MOB3B: variants seen among roughly 807,000 people sequenced by gnomAD.
The protein encoded by MOB3B is MOB kinase activator 3B.
In MOB3B, 7 loss-of-function variants were observed where a neutral mutation model predicts 18.7. The ratio of observed to expected loss-of-function variants is 0.37; its 90% confidence interval spans 0.21 to 0.70. The LOEUF is 0.70. Among genes scored for constraint, MOB3B ranks in the 30% least tolerant of loss-of-function variants. The pLI is 0.52. For missense variants in MOB3B, 253 were observed against 281.3 expected, an observed-to-expected ratio of 0.90 and a Z score of 0.72; for synonymous variants, 111 against 99.9, an observed-to-expected ratio of 1.11 and a Z score of -0.66.
At position 27,409,404 on chromosome 9, in the gene MOB3B, T is replaced by C. The variant is rs114943555; in HGVS notation, c.418+45729A>G. 3.4e-3 allele frequency among the ~76,000 whole-genome samples: 513 copies of C among 152,304 alleles called. 8 individuals are homozygous for C. Among genetic ancestry groups the C allele is most frequent in the African/African-American group, 0.012 (490 of 41,562 alleles). ...GAGATACCATTTCATACCATTAGAA[T>C]GGTTACTATCAAGAAGATAAAAAAA... On this transcript the variant is annotated intron_variant, in intron 2 of 3. Coordinates refer to ENST00000262244, the MANE Select transcript of MOB3B (RefSeq NM_024761.5).
chr9:27,456,385 G>C (rs1180167755), intron 1 of MOB3B, among the ~76,000 whole-genome samples: 1 of 152,138 alleles, frequency 6.6e-6, no homozygotes, highest in Non-Finnish European at 1.5e-5. Context: ...GGTGGAGAAG[G>C]TGGCTGCCAA....
chr9:27,409,056 T>C (rs1822026583), intron 2 of MOB3B, among the ~76,000 whole-genome samples: 1 of 152,210 alleles, frequency 6.6e-6, no homozygotes, highest in Non-Finnish European at 1.5e-5. Flanking sequence ...CACACAACCT[T>C]GGCAGCTGGC....
At chr9:27,473,653 G>T (rs1233228268) in intron 1 of MOB3B, among the ~76,000 whole-genome samples, 1 of 152,122 alleles carries the variant, frequency 6.6e-6, no homozygotes, top group Non-Finnish European at 1.5e-5. Context: ...GGGGATGTTG[G>T]TGATGGACCC....
intron 2 of MOB3B, among the ~76,000 whole-genome samples, chr9:27,420,336 C>T (rs931122272): frequency 1.1e-4 from 17 of 151,566 alleles, no homozygotes; most frequent in East Asian, 3.9e-4. Context: ...AGTCATTATT[C>T]GAAAAAGATA....
chr9:27,454,762 T>C (rs1351600562), intron 2 of MOB3B, among the ~76,000 whole-genome samples: 1 of 152,212 alleles, frequency 6.6e-6, no homozygotes, highest in Non-Finnish European at 1.5e-5. Flanking sequence ...TCCTCAGATA[T>C]AAATACCAGT....
intron 2 of MOB3B, among the ~76,000 whole-genome samples, chr9:27,424,470 C>T (rs934630617): frequency 6.6e-6 from 1 of 152,188 alleles, no homozygotes; most frequent in South Asian, 2.1e-4. Context: ...TTTCCTTCTC[C>T]CATTTACTTC....
chr9:27,373,106 C>T (rs1821445444), intron 2 of MOB3B, among the ~76,000 whole-genome samples: 1 of 152,216 alleles, frequency 6.6e-6, no homozygotes, highest in Non-Finnish European at 1.5e-5. Context: ...GATTTACGCA[C>T]TAACATTTCT....
intron 2 of MOB3B, among the ~76,000 whole-genome samples, chr9:27,399,927 T>G (rs1821853380): frequency 6.6e-6 from 1 of 152,130 alleles, no homozygotes; most frequent in Non-Finnish European, 1.5e-5. Flanking sequence ...TCTTTTTCAT[T>G]CTCTCCACAT....
At chr9:27,352,993 C>T (rs1434809906) in intron 3 of MOB3B, among the ~76,000 whole-genome samples, 2 of 152,208 alleles carry the variant, frequency 1.3e-5, no homozygotes, top group African/African-American at 4.8e-5. Context: ...GACCATCACT[C>T]AGGACTGGCA....
chr9:27,413,466 C>T lies in MOB3B; in HGVS notation c.418+41667G>A, dbSNP rs190231393. ...AGTTCTTTAAAGGGATAGCAGGAGA[C>T]AAAGAATAAAGTTGCATTTTGGTTG... On this transcript the variant is annotated intron_variant, in intron 2 of 3. Transcript: ENST00000262244. Among the ~76,000 whole-genome samples, 9 of 152,194 alleles carry T rather than the reference C, an allele frequency of 5.9e-5. No homozygotes were observed. The East Asian group carries it at 1.7e-3, about 29-fold the overall frequency.
At chr9:27,403,086 C>T (rs1821910202) in intron 2 of MOB3B, among the ~76,000 whole-genome samples, 1 of 152,136 alleles carries the variant, frequency 6.6e-6, no homozygotes, top group South Asian at 2.1e-4. Context: ...AGTTTGGTAT[C>T]TGGCTCTGAT....
intron 1 of MOB3B, among the ~76,000 whole-genome samples, chr9:27,496,762 A>T (rs905834242): frequency 6.6e-6 from 1 of 152,222 alleles, no homozygotes; most frequent in Non-Finnish European, 1.5e-5. Flanking sequence ...GCTTCTGAAG[A>T]ACTTTAAAAT....
chr9:27,528,291 T>C (rs1443889013), intron 1 of MOB3B, among the ~76,000 whole-genome samples: 2 of 152,142 alleles, frequency 1.3e-5, no homozygotes, highest in Admixed American at 6.5e-5. Context: ...CCCCTCCCAC[T>C]GCCCTAGCAG....
chr9:27,348,212 G>C (rs1250293811), intron 3 of MOB3B, among the ~76,000 whole-genome samples: 1 of 152,152 alleles, frequency 6.6e-6, no homozygotes, highest in Admixed American at 6.5e-5. Context: ...TAGCAGACTT[G>C]TGCTGTAGGA....
intron 2 of MOB3B, among the ~76,000 whole-genome samples, chr9:27,450,012 G>A (rs565568978): frequency 2.6e-4 from 39 of 149,704 alleles, no homozygotes; most frequent in Non-Finnish European, 4.3e-4. Context: ...AACTTAAAAT[G>A]TAAAGGCCAA....
intron 1 of MOB3B, among the ~76,000 whole-genome samples, chr9:27,518,636 C>G (rs57971925): frequency 6.6e-6 from 1 of 151,922 alleles, no homozygotes; most frequent in African/African-American, 2.4e-5. Context: ...GAAGTTACTA[C>G]GTGCATAATC....
At chr9:27,467,471 T>C (rs2131463728) in intron 1 of MOB3B, among the ~76,000 whole-genome samples, 1 of 152,344 alleles carries the variant, frequency 6.6e-6, no homozygotes, top group African/African-American at 2.4e-5. Context: ...AACCATAATG[T>C]GCTCTTTCTT....
intron 2 of MOB3B, among the ~76,000 whole-genome samples, chr9:27,360,701 G>A (rs1052250839): frequency 6.6e-6 from 1 of 152,186 alleles, no homozygotes; most frequent in Admixed American, 6.5e-5. Context: ...CACTGTAATG[G>A]GATCACCTGG....
intron 1 of MOB3B, among the ~76,000 whole-genome samples, chr9:27,504,216 A>T (rs996853658): frequency 6.6e-6 from 1 of 152,256 alleles, no homozygotes; most frequent in African/African-American, 2.4e-5. Flanking sequence ...ACAAGAGGAC[A>T]TGGCTAGGCT....
Sources: gnomAD v4.1 joint callset for allele counts (sites outside exome capture counted in the v4.1 genomes callset) on GRCh38, gnomAD v4.1.1 for gene constraint, MANE v1.5 for transcripts, NCBI Gene and HGNC (gene_info 2026-07-23, HGNC 2026-07-21) for gene names.